Variants in C4A observed in about 807,000 individuals in gnomAD.
The protein encoded by C4A is complement C4A (Chido/Rodgers blood group).
A neutral mutation model predicts 45.7 loss-of-function variants in C4A; 12 were observed. The ratio of observed to expected loss-of-function variants is 0.26; its 90% CI spans 0.17 to 0.43. The LOEUF (loss-of-function observed/expected upper bound fraction) is 0.43. Among genes scored for constraint, C4A ranks in the 20% least tolerant of loss-of-function variants. C4A has a pLI of 1.00. For missense variants in C4A, 127 were observed against 534.4 expected, an observed-to-expected ratio of 0.24 and a Z score of 7.52; for synonymous variants, 66 against 230.7, an observed-to-expected ratio of 0.29 and a Z score of 6.47.
Position 31,996,215 on chromosome 6 carries a change from G to A in C4A, c.3396G>A (p.Leu1132=). 5.7e-6 allele frequency: 9 copies of A among 1,571,022 alleles called. No homozygotes were observed. Among genetic ancestry groups the A allele is most frequent in the Non-Finnish European group, 7.9e-6 (9 of 1,143,964 alleles). The part of the protein sequence containing the change: ...PVLDRSMQGG[L]VGNDETVALT... ...TTTTCTCCCCTTACTAGGGGGGTTT[G>A]GTGGGCAATGATGAGACTGTGGCAC... Residue 1132 remains leucine (L), a synonymous_variant, in exon 27 of 41, where the codon TTG becomes TTA. Coordinates refer to ENST00000428956, the MANE Select transcript of C4A (RefSeq NM_007293.3).
At position 31,996,233 on chromosome 6, in the gene C4A, T is replaced by A; in HGVS notation, c.3414T>A (p.Thr1138=). The part of the protein sequence containing the change: ...MQGGLVGNDE[T]VALTAFVTIA... ...GGGGTTTGGTGGGCAATGATGAGACTGTGGCACTCACAGCCTTTGTGACCA... is the reference window on the plus strand; with the variant it reads ...GGGGTTTGGTGGGCAATGATGAGACAGTGGCACTCACAGCCTTTGTGACCA... Residue 1138 remains threonine, a synonymous_variant, in exon 27 of 41, where the codon ACT becomes ACA. Transcript: ENST00000428956. 6.4e-7 allele frequency: 1 copy of A among 1,571,460 alleles called. No homozygotes were observed. The highest frequency in any genetic ancestry group is 8.7e-7 in the Non-Finnish European group (1 of 1,144,970).
rs2854862 is a variant in C4A, at chr6:31,996,614, C to G, written c.3676+14C>G. 1,117 of 1,587,658 alleles carry G rather than the reference C, an allele frequency of 7.0e-4. 142 individuals carry two copies. The highest frequency in any genetic ancestry group is 2.8e-3 in the African/African-American group (207 of 73,064). ...AGGAGACTGGAGGTGAGGGGTGAGGCGCTCCTGGCAGTGAGCCTGAGGCCC... is the reference window on the plus strand; with the variant it reads ...AGGAGACTGGAGGTGAGGGGTGAGGGGCTCCTGGCAGTGAGCCTGAGGCCC... On this transcript the variant is annotated intron_variant, in intron 28 of 40. Coordinates refer to ENST00000428956, the MANE Select transcript of C4A (RefSeq NM_007293.3).
chr6:31,994,790 AG>A, intron 21 of C4A, 83 bp downstream of exon 21: 5 of 1,440,656 alleles, frequency 3.5e-6, no homozygotes, highest in Non-Finnish European at 4.8e-6. Flanking sequence ...TGGCCAGGCC[AG>A]GGGCCCAACA....
Position 31,996,127 on chromosome 6 carries a change from G to A in C4A, c.3387+16G>A, listed in dbSNP as rs765282471. 7.6e-6 allele frequency: 12 copies of A among 1,587,124 alleles called. No individual in the cohort carries two copies. The highest frequency in any genetic ancestry group is 5.4e-5 in the African/African-American group (4 of 74,066). The stretch of plus-strand genomic sequence containing the variant: ...GAGCATGCAGGTGCGGGCATGCTGG[G>A]GCTGGCCCGAGAAGCGCCTGTCGGA... On this transcript the variant is annotated intron_variant, in intron 26 of 40. Transcript: ENST00000428956.
chr6:31,995,644 G>C, intron 24 of C4A, 75 bp from the exon 25 acceptor site: 1 of 1,380,460 alleles, frequency 7.2e-7, no homozygotes. Context: ...CCCCTGATGA[G>C]GATGGGGAGC....
rs771098807 is a variant in C4A, at chr6:31,996,209, G to A, written c.3390G>A (p.Gly1130=). 11 of 1,574,888 alleles carry A rather than the reference G, an allele frequency of 7.0e-6. No individual in the cohort carries two copies. In the South Asian group the frequency reaches 1.2e-4, roughly 17 times the overall value. Residue 1130 remains glycine (G), a splice_region_variant and synonymous_variant, in exon 27 of 41, where the codon GGG becomes GGA. Transcript: ENST00000428956. ...PCPVLDRSMQ[G]GLVGNDETVA... ...GACATCTTTTCTCCCCTTACTAGGGGGGTTTGGTGGGCAATGATGAGACTG... is the reference window on the plus strand; with the variant it reads ...GACATCTTTTCTCCCCTTACTAGGGAGGTTTGGTGGGCAATGATGAGACTG...
chr6:31,996,793 C>T, intron 28 of C4A, 36 bp from the exon 29 acceptor site: 1 of 1,045,732 alleles, frequency 9.6e-7, no homozygotes, highest in Non-Finnish European at 1.4e-6. Context: ...CTTCTCCCTG[C>T]CTTCCTGTTT....
rs1342134158 is a variant in C4A at position 31,996,502 on chromosome 6, C to T, written c.3578C>T (p.Ala1193Val). 1 of 1,588,566 alleles carries T rather than the reference C, an allele frequency of 6.3e-7. No homozygotes were observed. Among genetic ancestry groups the T allele is most frequent in the Non-Finnish European group, 8.6e-7 (1 of 1,158,126 alleles). ...ASAGLLGAHAAAITAYALTLT... is the reference protein window; with the variant it reads ...ASAGLLGAHAVAITAYALTLT... ...GCTGGGCTCCTGGGTGCCCACGCAG[C>T]TGCCATCACGGCCTATGCCCTGACA... The change falls in exon 28 of 41, where the codon GCT becomes GTT. Residue 1193 changes from alanine to valine, a missense_variant. Ala to Val is a moderately conservative substitution (Grantham distance 64, BLOSUM62 0). Transcript: ENST00000428956.
intron 28 of C4A, 104 bp from the exon 29 acceptor site, chr6:31,996,725 G>T: frequency 6.8e-7 from 1 of 1,461,628 alleles, no homozygotes; most frequent in South Asian, 1.2e-5. Flanking sequence ...GCAGGGGTGG[G>T]TTGGGGGAGA....
Position 31,996,102 on chromosome 6 carries a change from G to A in C4A, c.3378G>A (p.Arg1126=). ...AGGACCCCTGTCCAGTGTTAGACAG[G>A]AGCATGCAGGTGCGGGCATGCTGGG... ...SFQDPCPVLD[R]SMQGGLVGND... Residue 1126 remains arginine, a synonymous_variant, in exon 26 of 41, where the codon AGG becomes AGA. Transcript: ENST00000428956. The A allele has an allele frequency of 6.3e-7, 1 of 1,587,674 alleles. No individual in the cohort carries two copies. Among genetic ancestry groups the A allele is most frequent in the Non-Finnish European group, 8.6e-7 (1 of 1,156,754 alleles).
Position 31,996,031 on chromosome 6 carries a change from A to G in C4A, c.3307A>G (p.Thr1103Ala). 2 of 1,585,598 alleles carry G rather than the reference A, an allele frequency of 1.3e-6. No individual in the cohort carries two copies. The highest frequency in any genetic ancestry group is 1.7e-6 in the Non-Finnish European group (2 of 1,155,886). The part of the protein sequence containing the change: ...VGGSPEKLQE[T>A]SNWLLSQQQA... ...AGGCTCGCCTGAGAAACTGCAGGAGACATCTAACTGGCTTCTGTCCCAGCA... is the reference window on the plus strand; with the variant it reads ...AGGCTCGCCTGAGAAACTGCAGGAGGCATCTAACTGGCTTCTGTCCCAGCA... Residue 1103 changes from threonine (T) to alanine (A), a missense_variant, in exon 26 of 41, where the codon ACA becomes GCA. Transcript: ENST00000428956.
At chr6:31,997,798 G>GGTGGAGGAGAGGGT in intron 31 of C4A, 34 bp downstream of exon 31, 7 of 1,064,462 alleles carry the variant, frequency 6.6e-6, no homozygotes, top group Non-Finnish European at 1.0e-5. Flanking sequence ...GCCAGGCACT[G>GGTGGAGGAGAGGGT]GTGGAGGAGA....
At chr6:31,997,595 GT>G (rs1168076642) in intron 30 of C4A, 109 bp from the exon 31 acceptor site, 1 of 1,604,940 alleles carries the variant, frequency 6.2e-7, no homozygotes. Context: ...GAAATGTGAG[GT>G]GGGGAGAGGA....
At chr6:31,994,730 TA>T in intron 21 of C4A, 23 bp downstream of exon 21, 1 of 1,573,866 alleles carries the variant, frequency 6.4e-7, no homozygotes, top group Non-Finnish European at 8.7e-7. Context: ...CCCCTGAATA[TA>T]AGTCCCCGGG....
At position 31,996,215 on chromosome 6, in the gene C4A, G is replaced by T; in HGVS notation, c.3396G>T (p.Leu1132Phe). 7.0e-6 allele frequency: 11 copies of T among 1,571,020 alleles called. No individual in the cohort carries two copies. The highest frequency in any genetic ancestry group is 7.9e-6 in the Non-Finnish European group (9 of 1,143,962). ...PVLDRSMQGG[L>F]VGNDETVALT... ...TTTTCTCCCCTTACTAGGGGGGTTT[G>T]GTGGGCAATGATGAGACTGTGGCAC... The change falls in exon 27 of 41, where the codon TTG becomes TTT. Residue 1132 changes from leucine (L) to phenylalanine (F), a missense_variant. Leu to Phe is a conservative substitution (Grantham distance 22). Transcript: ENST00000428956.
chr6:31,996,211 G>T lies in C4A; in HGVS notation c.3392G>T (p.Gly1131Val). ...CPVLDRSMQG[G>V]LVGNDETVAL... ...CATCTTTTCTCCCCTTACTAGGGGG[G>T]TTTGGTGGGCAATGATGAGACTGTG... is the stretch of plus-strand genomic sequence containing the variant. The change falls in exon 27 of 41, where the codon GGT becomes GTT. Residue 1131 changes from glycine (G) to valine (V), a missense_variant. Gly to Val is a moderately radical substitution (Grantham distance 109, BLOSUM62 -3). Coordinates refer to ENST00000428956, the MANE Select transcript of C4A (RefSeq NM_007293.3). 6.3e-7 allele frequency: 1 copy of T among 1,574,846 alleles called. No homozygotes were observed. Among genetic ancestry groups the T allele is most frequent in the Non-Finnish European group, 8.7e-7 (1 of 1,147,284 alleles).
chr6:31,996,121 T>C lies in C4A; in HGVS notation c.3387+10T>C, dbSNP rs759609642. 1.4e-5 allele frequency: 22 copies of C among 1,587,458 alleles called. 1 individual carries two copies. The highest frequency in any genetic ancestry group is 1.8e-5 in the Non-Finnish European group (21 of 1,156,664). ...AGACAGGAGCATGCAGGTGCGGGCA[T>C]GCTGGGGCTGGCCCGAGAAGCGCCT... On this transcript the variant is annotated intron_variant, in intron 26 of 40. Coordinates refer to ENST00000428956, the MANE Select transcript of C4A (RefSeq NM_007293.3).
rs531891216 is a variant in C4A at position 31,996,606 on chromosome 6, G to T, written c.3676+6G>T. 1 of 1,588,916 alleles carries T rather than the reference G, an allele frequency of 6.3e-7. No homozygotes were observed. Among genetic ancestry groups the T allele is most frequent in the South Asian group, 1.1e-5 (1 of 90,902 alleles). ...AATGGCCCAGGAGACTGGAGGTGAG[G>T]GGTGAGGCGCTCCTGGCAGTGAGCC... On this transcript the variant is annotated splice_donor_region_variant and intron_variant, in intron 28 of 40. Transcript: ENST00000428956.
In C4A at chr6:31,996,886, C is replaced by G; in HGVS notation, c.3734C>G (p.Pro1245Arg). 1.0e-6 allele frequency: 1 copy of G among 1,001,914 alleles called. No individual in the cohort carries two copies. Among genetic ancestry groups the G allele is most frequent in the Non-Finnish European group, 1.4e-6 (1 of 708,596 alleles). 62.1% of individuals were successfully genotyped at this position (1,001,914 alleles called of 1,614,324 possible). Residue 1245 changes from proline to arginine, a missense_variant, in exon 29 of 41, where the codon CCG becomes CGG. Physicochemically the swap from Pro to Arg is moderately radical, Grantham distance 103. Coordinates refer to ENST00000428956, the MANE Select transcript of C4A (RefSeq NM_007293.3). The part of the protein sequence containing the change: ...GSQSNAVSPT[P>R]APRNPSDPMP... ...CAGAGCAATGCCGTGTCGCCCACCCCGGCTCCTCGCAACCCATCCGACCCC... is the reference window on the plus strand; with the variant it reads ...CAGAGCAATGCCGTGTCGCCCACCCGGGCTCCTCGCAACCCATCCGACCCC...
Sources: allele counts gnomAD v4.1 joint callset, GRCh38; gene constraint gnomAD v4.1.1; transcripts MANE v1.5; gene names NCBI Gene and HGNC (gene_info 2026-07-23, HGNC 2026-07-21).